The following USP34 variants were observed in gnomAD, a reference collection of about 807,000 sequenced individuals.
USP34 encodes the protein ubiquitin carboxyl-terminal hydrolase 34.
A neutral mutation model predicts 460.3 loss-of-function variants in USP34; 70 were observed. The ratio of observed to expected loss-of-function variants is 0.15; its 90% CI spans 0.13 to 0.19. The LOEUF (loss-of-function observed/expected upper bound fraction) is 0.19. Among genes scored for constraint, USP34 ranks in the 10% least tolerant of loss-of-function variants. The probability of loss-of-function intolerance (pLI) is 1.00; values close to 1 mark genes in which losing one functional copy is unlikely to be tolerated. For missense variants in USP34, 3,985 were observed against 4,236.2 expected (o/e 0.94, Z 1.65); for synonymous variants, 1,647 against 1,405.3 (o/e 1.17, Z -3.85).
chr2:61,375,625 C>T (rs960172782), intron 8 of USP34, among the ~76,000 whole-genome samples: 17 of 151,610 alleles, frequency 1.1e-4, no homozygotes, highest in African/African-American at 3.6e-4. Flanking sequence ...AAAAATTAGC[C>T]GGAAGTGGTG....
intron 44 of USP34, among the ~76,000 whole-genome samples, chr2:61,258,121 C>G (rs983886830): frequency 7.9e-5 from 12 of 151,978 alleles, no homozygotes; most frequent in African/African-American, 7.3e-5. Flanking sequence ...TGGGAGGGTA[C>G]GGCGAGTTGA....
chr2:61,401,714 A>G (rs1232066093), intron 3 of USP34, among the ~76,000 whole-genome samples: 3 of 140,458 alleles, frequency 2.1e-5, no homozygotes, highest in Admixed American at 7.3e-5. Context: ...ACGCCCTGCT[A>G]ATTTTTTTTT....
intron 18 of USP34, among the ~76,000 whole-genome samples, chr2:61,338,064 G>A (rs2103748871): frequency 6.6e-6 from 1 of 152,314 alleles, no homozygotes; most frequent in East Asian, 1.9e-4. Context: ...ACTCACGCCT[G>A]TAATCCCAGC....
intron 47 of USP34, 149 bp downstream of exon 47, chr2:61,256,721 TTGA>T: frequency 3.1e-6 from 2 of 641,894 alleles, no homozygotes; most frequent in Non-Finnish European, 5.0e-6. Context: ...AGCTTTATGG[TTGA>T]TGTTTAACTC....
chr2:61,429,488 G>A (rs977144381), intron 1 of USP34, among the ~76,000 whole-genome samples: 1 of 152,086 alleles, frequency 6.6e-6, no homozygotes, highest in East Asian at 1.9e-4. Context: ...TTAGCTGGGT[G>A]TGGTAGCATG....
intron 1 of USP34, among the ~76,000 whole-genome samples, chr2:61,456,798 A>G (rs1414039782): frequency 6.6e-6 from 1 of 150,522 alleles, no homozygotes; most frequent in Non-Finnish European, 1.5e-5. Flanking sequence ...ATTTACTAAC[A>G]GAGTAAAAAT....
intron 10 of USP34, among the ~76,000 whole-genome samples, chr2:61,356,793 T>C (rs1015335402): frequency 6.6e-6 from 1 of 152,166 alleles, no homozygotes; most frequent in East Asian, 1.9e-4. Flanking sequence ...AGAGATCTAT[T>C]GCACAATGCA....
intron 43 of USP34, 185 bp downstream of exon 43, chr2:61,265,212 G>C: frequency 1.6e-6 from 1 of 634,226 alleles, no homozygotes; most frequent in South Asian, 2.1e-5. Context: ...CTGTACTACA[G>C]CATTATGAGT....
At chr2:61,365,486 T>A (rs1692409033) in intron 10 of USP34, among the ~76,000 whole-genome samples, 1 of 152,094 alleles carries the variant, frequency 6.6e-6, no homozygotes, top group Non-Finnish European at 1.5e-5. Flanking sequence ...CTCAAACTCT[T>A]CTTTAAGAAT....
At chr2:61,323,863 T>C (rs1216597592) in intron 21 of USP34, among the ~76,000 whole-genome samples, 1 of 152,220 alleles carries the variant, frequency 6.6e-6, no homozygotes, top group African/African-American at 2.4e-5. Context: ...ATAAATGACG[T>C]AATAACACGA....
intron 1 of USP34, among the ~76,000 whole-genome samples, 183 bp downstream of exon 1, chr2:61,470,467 G>A (rs1199927896): frequency 6.7e-6 from 1 of 148,738 alleles, no homozygotes; most frequent in Non-Finnish European, 1.5e-5. Context: ...CAGGTAACCC[G>A]GCCGGGCTGG....
In USP34 at chr2:61,291,747, C is replaced by T. The variant is rs1417958556; in HGVS notation, c.4548+1717G>A. On this transcript the variant is annotated intron_variant, in intron 33 of 79. Transcript: ENST00000398571. The stretch of plus-strand genomic sequence containing the variant: ...TAAGTATTGGCAAGGTATACCACTC[C>T]TAAGCATATGCCAAAAAGAAGTGAA... Among the ~76,000 whole-genome samples the T allele has an allele frequency of 7.9e-5, 12 of 152,166 alleles. No individual in the cohort carries two copies. In the East Asian group the frequency reaches 2.1e-3, roughly 27 times the overall value.
In USP34 at chr2:61,265,549, G is replaced by A; in HGVS notation, c.5626C>T (p.Pro1876Ser). Residue 1876 changes from proline to serine, a missense_variant, in exon 43 of 80, where the codon CCT (proline) becomes TCT (serine). Physicochemically the swap from Pro to Ser is moderately conservative, Grantham distance 74. Coordinates refer to ENST00000398571, the MANE Select transcript of USP34 (RefSeq NM_014709.4). Reference sequence around the variant, plus strand: ...TGAGGCCAGTAATCCCATTTATAAGGTGCATGGGCTGCTGAAGAAAGAGGG... The same window carrying A: ...TGAGGCCAGTAATCCCATTTATAAGATGCATGGGCTGCTGAAGAAAGAGGG... Reference protein sequence around the residue: ...VMAQHMQSHAPYKWDYWPHED... With the variant: ...VMAQHMQSHASYKWDYWPHED... The A allele has an allele frequency of 6.3e-7, 1 of 1,591,102 alleles. No homozygotes were observed. Among genetic ancestry groups the A allele is most frequent in the Non-Finnish European group, 8.6e-7 (1 of 1,165,700 alleles).
At chr2:61,353,444 T>C (rs994422892) in intron 10 of USP34, among the ~76,000 whole-genome samples, 1 of 149,782 alleles carries the variant, frequency 6.7e-6, no homozygotes, top group Non-Finnish European at 1.5e-5. Context: ...CAGGCTGGAG[T>C]GCAGTGGTGC....
At chr2:61,294,651 C>A (rs1689969007) in intron 32 of USP34, among the ~76,000 whole-genome samples, 1 of 152,072 alleles carries the variant, frequency 6.6e-6, no homozygotes, top group South Asian at 2.1e-4. Flanking sequence ...AAACTCCTGA[C>A]CTCAAGTGAT....
intron 67 of USP34, 43 bp downstream of exon 67, chr2:61,220,267 A>T: frequency 6.4e-7 from 1 of 1,553,094 alleles, no homozygotes; most frequent in Non-Finnish European, 8.7e-7. Flanking sequence ...ATAACTTTGA[A>T]CAATAAATAA....
Position 61,394,870 on chromosome 2 carries a change from T to G in USP34, c.736A>C (p.Ile246Leu), listed in dbSNP as rs756129739. Residue 246 changes from isoleucine (I) to leucine (L), a missense_variant, in exon 5 of 80, where the codon ATT becomes CTT. Physicochemically the swap from Ile to Leu is conservative, Grantham distance 5 (BLOSUM62 2). Around this residue, in one of 14 missense-constraint regions of USP34, gnomAD observed 331 missense variants for 293.7 expected, o/e 1.13. Transcript: ENST00000398571. ...ATACTTACATTAGACACAACTGTAATAAACGCATGTGCTATAAGAAATGGC... is the reference window on the plus strand; with the variant it reads ...ATACTTACATTAGACACAACTGTAAGAAACGCATGTGCTATAAGAAATGGC... ...TLPFLIAHAF[I>L]TVVSNIRIWL... 2 of 1,585,562 alleles carry G rather than the reference T, an allele frequency of 1.3e-6. No individual in the cohort carries two copies. Among genetic ancestry groups the G allele is most frequent in the Admixed American group, 3.8e-5 (2 of 53,038 alleles).
rs140578384 is a variant in USP34, at chr2:61,435,901, G to A, written c.44-15068C>T. On this transcript the variant is annotated intron_variant, in intron 1 of 79. Transcript: ENST00000398571. ...AAATGAGCCGGGCATGGTGGAGTGC[G>A]CCTGTAATCCCAGCTACTCAGGAGG... Among the ~76,000 whole-genome samples the A allele has an allele frequency of 3.5e-3, 538 of 152,138 alleles. 2 individuals carry two copies. The highest frequency in any genetic ancestry group is 0.011 in the African/African-American group (454 of 41,502).
At chr2:61,383,826 T>C (rs1350452678) in intron 5 of USP34, among the ~76,000 whole-genome samples, 2 of 152,184 alleles carry the variant, frequency 1.3e-5, no homozygotes, top group East Asian at 3.8e-4. Flanking sequence ...GAATTACACA[T>C]GTATCAGGAA....
Sources: gnomAD v4.1 joint callset for allele counts (sites outside exome capture counted in the v4.1 genomes callset) on GRCh38, gnomAD v4.1.1 for gene constraint, gnomAD v4.1.1 regional missense constraint, MANE v1.5 for transcripts, NCBI Gene and HGNC (gene_info 2026-07-23, HGNC 2026-07-21) for gene names.